The following KATNIP variants were observed in gnomAD, a reference collection of about 807,000 sequenced individuals.
KATNIP encodes katanin-interacting protein.
Under a neutral mutation model 174.0 loss-of-function variants are expected in KATNIP, and 126 were observed. The observed-to-expected ratio is 0.72, with a 90% CI of 0.63 to 0.84. The LOEUF (loss-of-function observed/expected upper bound fraction) is 0.84, where lower values mean the gene tolerates loss of function less well. KATNIP is among the 40% of genes least tolerant of loss of function. KATNIP has a pLI of 0.00. For missense variants in KATNIP, 1,958 were observed against 2,109.7 expected, an observed-to-expected ratio of 0.93 and a Z score of 1.41; for synonymous variants, 810 against 835.7, an observed-to-expected ratio of 0.97 and a Z score of 0.53.
chr16:27,642,711 C>G (rs1159066414), intron 5 of KATNIP, among the ~76,000 whole-genome samples: 1 of 152,030 alleles, frequency 6.6e-6, no homozygotes, highest in African/African-American at 2.4e-5. Context: ...GTTCTCTAAT[C>G]CCAGTCCAAA....
chr16:27,552,206 G>T (rs1156314339), intron 1 of KATNIP, among the ~76,000 whole-genome samples: 1 of 152,038 alleles, frequency 6.6e-6, no homozygotes, highest in African/African-American at 2.4e-5. Context: ...TCTGCTTCAG[G>T]ATTCAAACTG....
chr16:27,635,970 A>G (rs2076623573), intron 5 of KATNIP, among the ~76,000 whole-genome samples: 2 of 152,142 alleles, frequency 1.3e-5, no homozygotes, highest in African/African-American at 4.8e-5. Flanking sequence ...CCCAGGCAAC[A>G]TAGTGAGTCC....
intron 6 of KATNIP, among the ~76,000 whole-genome samples, chr16:27,661,736 G>T (rs952359775): frequency 6.8e-6 from 1 of 147,418 alleles, no homozygotes; most frequent in Non-Finnish European, 1.5e-5. Flanking sequence ...TTCTATGTTG[G>T]CAACTAATTT....
At chr16:27,555,700 A>G (rs546898837) in intron 1 of KATNIP, among the ~76,000 whole-genome samples, 1 of 152,148 alleles carries the variant, frequency 6.6e-6, no homozygotes, top group Non-Finnish European at 1.5e-5. Context: ...GCTGGGTGTG[A>G]TGGTGCATGC....
chr16:27,757,416 T>C (rs1823880977), intron 18 of KATNIP: 1 of 814,560 alleles, frequency 1.2e-6, no homozygotes, highest in African/African-American at 1.9e-5. Flanking sequence ...GGTCAGAGTG[T>C]GGTCACCAGA....
rs925239437 is a variant in KATNIP, at chr16:27,574,831, G to A, written c.63+875G>A. Among the ~76,000 whole-genome samples the A allele has an allele frequency of 3.9e-5, 6 of 152,038 alleles. No homozygotes were observed. The East Asian group carries it at 7.7e-4, about 20-fold the overall frequency. On this transcript the variant is annotated intron_variant, in intron 2 of 27. Transcript: ENST00000261588. ...CTCCCAAAGTGCTGGGATTACAGGC[G>A]TGAGCCACCACACCCGGCCCCACTT...
At chr16:27,687,730 A>G (rs1191469401) in intron 8 of KATNIP, among the ~76,000 whole-genome samples, 1 of 152,178 alleles carries the variant, frequency 6.6e-6, no homozygotes, top group Non-Finnish European at 1.5e-5. Flanking sequence ...TGCTCTAGGG[A>G]AGTGATATAT....
chr16:27,625,372 G>A (rs2076303433), intron 3 of KATNIP, among the ~76,000 whole-genome samples: 1 of 152,210 alleles, frequency 6.6e-6, no homozygotes, highest in South Asian at 2.1e-4. Flanking sequence ...GTTGAGGCAG[G>A]CTGTCTGCCT....
At chr16:27,763,971 A>C (rs1358203839) in intron 19 of KATNIP, among the ~76,000 whole-genome samples, 2 of 152,150 alleles carry the variant, frequency 1.3e-5, no homozygotes, top group Non-Finnish European at 2.9e-5. Flanking sequence ...TTGAGGTTTG[A>C]CTACTAGGGC....
intron 6 of KATNIP, among the ~76,000 whole-genome samples, chr16:27,672,167 C>T (rs146819422): frequency 6.6e-6 from 1 of 152,314 alleles, no homozygotes; most frequent in East Asian, 1.9e-4. Context: ...ACACTCTTCC[C>T]TGAGGCCCAC....
intron 2 of KATNIP, among the ~76,000 whole-genome samples, chr16:27,612,893 T>C (rs771564006): frequency 2.6e-5 from 4 of 151,974 alleles, no homozygotes; most frequent in Non-Finnish European, 5.9e-5. Context: ...GAGGATCAGT[T>C]GAGGCCAGGA....
chr16:27,735,706 CCTT>C (rs1419489982), intron 14 of KATNIP, among the ~76,000 whole-genome samples: 1 of 152,198 alleles, frequency 6.6e-6, no homozygotes, highest in Non-Finnish European at 1.5e-5. Flanking sequence ...GGACAGTTCT[CCTT>C]CTAAATTGCT....
At chr16:27,677,225 T>C (rs2078151901) in intron 6 of KATNIP, among the ~76,000 whole-genome samples, 1 of 152,228 alleles carries the variant, frequency 6.6e-6, no homozygotes, top group Admixed American at 6.5e-5. Flanking sequence ...AACAACTACC[T>C]GACAGACATT....
At chr16:27,581,057 T>C (rs991952012) in intron 2 of KATNIP, among the ~76,000 whole-genome samples, 2 of 152,046 alleles carry the variant, frequency 1.3e-5, no homozygotes, top group African/African-American at 4.8e-5. Flanking sequence ...TGAAGCCCCA[T>C]CTCTAAAACA....
intron 6 of KATNIP, among the ~76,000 whole-genome samples, chr16:27,673,441 T>A (rs1170905803): frequency 6.6e-6 from 1 of 152,230 alleles, no homozygotes; most frequent in Admixed American, 6.5e-5. Context: ...GACCTCAGTC[T>A]GGTTTGCATG....
At chr16:27,624,368 T>A (rs2076274257) in intron 3 of KATNIP, among the ~76,000 whole-genome samples, 1 of 152,086 alleles carries the variant, frequency 6.6e-6, no homozygotes, top group Non-Finnish European at 1.5e-5. Context: ...CTCCTTCACT[T>A]CCTCATCTGT....
In KATNIP at chr16:27,740,902, G is replaced by T; in HGVS notation, c.2605G>T (p.Asp869Tyr). 2 of 1,597,682 alleles carry T rather than the reference G, an allele frequency of 1.3e-6. No homozygotes were observed. The highest frequency in any genetic ancestry group is 8.5e-7 in the Non-Finnish European group (1 of 1,172,794). The change falls in exon 15 of 28, where the codon GAC becomes TAC. Residue 869 changes from aspartate (D) to tyrosine (Y), a missense_variant. Physicochemically the swap from Asp to Tyr is radical, Grantham distance 160 (BLOSUM62 -3). Coordinates refer to ENST00000261588, the MANE Select transcript of KATNIP (RefSeq NM_015202.5). ...TGCTGGCAGCAGTAGTCATGGGGACGACCAGCCAGCCAGCAGAGGTAAGCT... is the reference window on the plus strand; with the variant it reads ...TGCTGGCAGCAGTAGTCATGGGGACTACCAGCCAGCCAGCAGAGGTAAGCT... ...KDAGSSSHGD[D>Y]QPASREDTWS...
intron 2 of KATNIP, among the ~76,000 whole-genome samples, chr16:27,575,679 C>CT (rs2090471117): frequency 6.6e-6 from 1 of 152,216 alleles, no homozygotes; most frequent in Non-Finnish European, 1.5e-5. Flanking sequence ...CTGAACTGCA[C>CT]TCAGCGTCGT....
intron 11 of KATNIP, 57 bp downstream of exon 11, chr16:27,701,752 C>G: frequency 3.4e-6 from 4 of 1,173,792 alleles, no homozygotes; most frequent in Non-Finnish European, 5.0e-6. Flanking sequence ...CCATGGGGAT[C>G]TTCTTCATGA....
Sources: allele counts gnomAD v4.1 joint callset (sites outside exome capture counted in the v4.1 genomes callset), GRCh38; gene constraint gnomAD v4.1.1; transcripts MANE v1.5; gene names NCBI Gene and HGNC (gene_info 2026-07-23, HGNC 2026-07-21).